FGF12: variants seen among roughly 807,000 people sequenced by gnomAD.
FGF12 encodes the protein fibroblast growth factor 12, also known as fibroblast growth factor 12B.
FGF12 carries 14 observed loss-of-function variants against 23.6 expected under a neutral mutation model. The observed-to-expected ratio is 0.59, with a 90% CI of 0.39 to 0.93. The LOEUF is 0.93. Ranked by LOEUF, FGF12 falls within the 40% of genes least tolerant of loss-of-function variation. The pLI, the probability that FGF12 is intolerant of heterozygous loss-of-function variation, is 0.00. For missense variants in FGF12, 175 were observed against 217.8 expected (o/e 0.80, Z 1.24); for synonymous variants, 62 against 77.3 (o/e 0.80, Z 1.04).
intron 4 of FGF12, among the ~76,000 whole-genome samples, chr3:192,178,885 AAAC>A (rs1481453418): frequency 6.6e-6 from 1 of 152,232 alleles, no homozygotes; most frequent in Non-Finnish European, 1.5e-5. Context: ...AAGGAATCAA[AAAC>A]AACTGGGGAA....
rs536293922 is a variant in FGF12 at position 192,459,711 on chromosome 3, T to C, written c.14-99173A>G. Among the ~76,000 whole-genome samples the C allele has an allele frequency of 1.4e-4, 22 of 152,284 alleles. No individual in the cohort carries two copies. The East Asian group carries it at 4.3e-3, about 29-fold the overall frequency. On this transcript the variant is annotated intron_variant, in intron 2 of 5. Transcript: ENST00000445105. ...GTTGCATGGTTTCCAGAAGGAAAAA[T>C]AAAATAGTTTTGAAGATGTATGTGC...
intron 2 of FGF12, among the ~76,000 whole-genome samples, chr3:192,658,795 G>C (rs908529381): frequency 3.3e-5 from 5 of 152,002 alleles, no homozygotes; most frequent in Middle Eastern, 3.4e-3. Flanking sequence ...TGAAGACAGA[G>C]TGCCTGAAAA....
At chr3:192,488,479 T>A (rs1356288530) in intron 2 of FGF12, among the ~76,000 whole-genome samples, 1 of 151,964 alleles carries the variant, frequency 6.6e-6, no homozygotes, top group African/African-American at 2.4e-5. Context: ...AAAATGAAAA[T>A]CTCTCAGTCC....
At chr3:192,525,867 C>T (rs1224828998) in intron 2 of FGF12, among the ~76,000 whole-genome samples, 5 of 152,184 alleles carry the variant, frequency 3.3e-5, no homozygotes, top group Non-Finnish European at 7.3e-5. Flanking sequence ...CTCCGCCTTC[C>T]AGGTTCAAGT....
At chr3:192,649,385 C>T (rs1716127971) in intron 2 of FGF12, among the ~76,000 whole-genome samples, 1 of 152,062 alleles carries the variant, frequency 6.6e-6, no homozygotes, top group Non-Finnish European at 1.5e-5. Flanking sequence ...TATTCATTGA[C>T]TTCTCCTTAA....
intron 4 of FGF12, among the ~76,000 whole-genome samples, chr3:192,264,268 T>C (rs1712939173): frequency 6.6e-6 from 1 of 152,140 alleles, no homozygotes; most frequent in African/African-American, 2.4e-5. Flanking sequence ...TTTGTGTTAA[T>C]TCACACCATC....
chr3:192,460,076 A>T (rs1046513827), intron 2 of FGF12, among the ~76,000 whole-genome samples: 5 of 152,216 alleles, frequency 3.3e-5, no homozygotes, highest in Non-Finnish European at 1.5e-5. Flanking sequence ...CTTACAAAGA[A>T]GAGTTGGTGG....
At chr3:192,405,835 A>C (rs1235815027) in intron 2 of FGF12, among the ~76,000 whole-genome samples, 1 of 152,224 alleles carries the variant, frequency 6.6e-6, no homozygotes, top group Non-Finnish European at 1.5e-5. Flanking sequence ...TAGTGAAGAT[A>C]ATAGCACACT....
At chr3:192,262,804 G>A (rs1047044726) in intron 4 of FGF12, among the ~76,000 whole-genome samples, 1 of 151,432 alleles carries the variant, frequency 6.6e-6, no homozygotes, top group African/African-American at 2.4e-5. Flanking sequence ...TTCCAATCAA[G>A]TGCTCCTCTA....
intron 2 of FGF12, among the ~76,000 whole-genome samples, chr3:192,538,207 C>T (rs1432190900): frequency 6.6e-6 from 1 of 152,076 alleles, no homozygotes; most frequent in Non-Finnish European, 1.5e-5. Context: ...CTCGGCCTCC[C>T]AAAGCGCTGG....
intron 2 of FGF12, among the ~76,000 whole-genome samples, chr3:192,366,614 A>T (rs529115808): frequency 6.6e-6 from 1 of 152,250 alleles, no homozygotes; most frequent in East Asian, 1.9e-4. Flanking sequence ...CTTTGACCCA[A>T]AGTCACAGCC....
At chr3:192,645,130 C>T (rs1715954715) in intron 2 of FGF12, among the ~76,000 whole-genome samples, 3 of 151,978 alleles carry the variant, frequency 2.0e-5, no homozygotes, top group Admixed American at 2.0e-4. Context: ...GCTTGCAGGC[C>T]AAGTAATGAA....
In FGF12 at chr3:192,725,572, G is replaced by A. The variant is rs984698704; in HGVS notation, c.13+1609C>T. 3.3e-5 allele frequency among the ~76,000 whole-genome samples: 5 copies of A among 152,106 alleles called. No homozygotes were observed. The South Asian group carries it at 1.0e-3, about 31-fold the overall frequency. On this transcript the variant is annotated intron_variant, in intron 2 of 5. Coordinates refer to ENST00000445105, the MANE Select transcript of FGF12 (RefSeq NM_004113.6). The stretch of plus-strand genomic sequence containing the variant: ...ACACGTAGCATGTTTTATGGGCAAC[G>A]AAGGAAAATAAAAGATTACTGCCGA...
At chr3:192,658,334 G>A (rs1716524499) in intron 2 of FGF12, among the ~76,000 whole-genome samples, 2 of 152,224 alleles carry the variant, frequency 1.3e-5, no homozygotes, top group South Asian at 4.1e-4. Context: ...CTGCTGCATT[G>A]CTTCTGTAGC....
intron 4 of FGF12, among the ~76,000 whole-genome samples, chr3:192,282,069 G>A (rs549473287): frequency 2.8e-4 from 42 of 152,218 alleles, no homozygotes; most frequent in African/African-American, 8.7e-4. Context: ...AAGAACATTC[G>A]TAAGTGATAG....
At chr3:192,358,961 A>G (rs548194532) in intron 3 of FGF12, among the ~76,000 whole-genome samples, 23 of 152,310 alleles carry the variant, frequency 1.5e-4, no homozygotes, top group African/African-American at 5.5e-4. Context: ...AGTGACACAA[A>G]TAAGTGGTTC....
At chr3:192,562,007 C>T (rs1712061912) in intron 2 of FGF12, among the ~76,000 whole-genome samples, 1 of 151,862 alleles carries the variant, frequency 6.6e-6, no homozygotes, top group South Asian at 2.1e-4. Context: ...ATTCAAATGT[C>T]TACCAAAATA....
At chr3:192,634,443 G>A (rs1026667531) in intron 2 of FGF12, among the ~76,000 whole-genome samples, 5 of 152,204 alleles carry the variant, frequency 3.3e-5, no homozygotes, top group African/African-American at 4.8e-5. Flanking sequence ...CAGGGAGGAT[G>A]TGCATAGGTT....
At chr3:192,296,714 T>C (rs550347901) in intron 4 of FGF12, among the ~76,000 whole-genome samples, 1 of 152,290 alleles carries the variant, frequency 6.6e-6, no homozygotes, top group South Asian at 2.1e-4. Flanking sequence ...ATAAGTAATC[T>C]ATAATTCTGT....
Sources: gnomAD v4.1 joint callset for allele counts (sites outside exome capture counted in the v4.1 genomes callset) on GRCh38, gnomAD v4.1.1 for gene constraint, MANE v1.5 for transcripts, NCBI Gene and HGNC (gene_info 2026-07-23, HGNC 2026-07-21) for gene names.